Variants in ANKRD30A observed in about 807,000 individuals in gnomAD.
ANKRD30A encodes the protein ankyrin repeat domain-containing protein 30A.
Under a neutral mutation model 166.3 loss-of-function variants are expected in ANKRD30A, and 170 were observed. The observed-to-expected ratio is 1.02, with a 90% CI of 0.90 to 1.16. The LOEUF (loss-of-function observed/expected upper bound fraction) is 1.16, where lower values mean the gene tolerates loss of function less well. Ranked by LOEUF, ANKRD30A falls within the 50% of genes most tolerant of loss-of-function variation. The pLI is 0.00. For synonymous variants in ANKRD30A, 564 were observed against 508.9 expected (o/e 1.11, Z -1.46); for missense variants, 1,630 against 1,518.0 (o/e 1.07, Z -1.23).
In ANKRD30A at chr10:37,231,513, G is replaced by C; in HGVS notation, c.*44G>C. 1 of 1,543,506 alleles carries C rather than the reference G, an allele frequency of 6.5e-7. No individual in the cohort carries two copies. The highest frequency in any genetic ancestry group is 8.8e-7 in the Non-Finnish European group (1 of 1,136,420). On this transcript the variant is annotated 3_prime_UTR_variant, in exon 35 of 36. Transcript: ENST00000361713. ...CTTCTTTTGGAGAAACAACAGACCA[G>C]ATCTTTACTCACAACTCATGCTAGG...
At chr10:37,211,324 C>T (rs1588933656) in intron 31 of ANKRD30A, among the ~76,000 whole-genome samples, 1 of 151,994 alleles carries the variant, frequency 6.6e-6, no homozygotes, top group African/African-American at 2.4e-5. Context: ...TGATGTTCCC[C>T]TTCCTGTGTC....
chr10:37,200,848 T>TG (rs1482156732), intron 30 of ANKRD30A, among the ~76,000 whole-genome samples: 21 of 152,142 alleles, frequency 1.4e-4, no homozygotes, highest in Non-Finnish European at 1.2e-4. Context: ...ACATGTTTAA[T>TG]GCAGTATCTG....
chr10:37,232,089 A>C (rs1222830238), intron 35 of ANKRD30A, among the ~76,000 whole-genome samples: 2 of 152,032 alleles, frequency 1.3e-5, no homozygotes, highest in Non-Finnish European at 2.9e-5. Flanking sequence ...TGCACCCCTA[A>C]TCAGAAGTGA....
At chr10:37,138,161 G>A (rs1836848151) in intron 6 of ANKRD30A, among the ~76,000 whole-genome samples, 1 of 152,208 alleles carries the variant, frequency 6.6e-6, no homozygotes, top group South Asian at 2.1e-4. Context: ...ACGTGCAGCT[G>A]AGGATCCTGA....
At chr10:37,150,952 T>C (rs1315747480) in intron 11 of ANKRD30A, among the ~76,000 whole-genome samples, 1 of 151,350 alleles carries the variant, frequency 6.6e-6, no homozygotes, top group Non-Finnish European at 1.5e-5. Context: ...ACACGTTAGA[T>C]CTCTGAAACG....
At chr10:37,148,165 C>T (rs1326621878) in intron 9 of ANKRD30A, among the ~76,000 whole-genome samples, 1 of 151,978 alleles carries the variant, frequency 6.6e-6, no homozygotes, top group Non-Finnish European at 1.5e-5. Flanking sequence ...AGTTCTCAGG[C>T]GATGCTGATA....
the ANKRD30A span, chr10:37,262,664 A>T: frequency 2.0e-5 from 3 of 153,646 alleles, no homozygotes; most frequent in East Asian, 1.9e-4. Flanking sequence ...TTATGTAAAA[A>T]TTGTGGATTG....
At chr10:37,257,335 CA>C in the ANKRD30A span, among the ~76,000 whole-genome samples, 15,329 of 143,512 alleles carry the variant, frequency 0.11, 869 homozygotes, top group Middle Eastern at 0.15. Context: ...TTAATCTTTT[CA>C]AAAAAAAAAA....
chr10:37,147,529 C>CT, intron 9 of ANKRD30A, 72 bp downstream of exon 9: 1 of 957,826 alleles, frequency 1.0e-6, no homozygotes. Context: ...CTGATATACT[C>CT]TAATAGCCAA....
rs1323332649 is a variant in ANKRD30A at position 37,199,778 on chromosome 10, G to C, written c.2768G>C (p.Trp923Ser). 1 of 1,565,834 alleles carries C rather than the reference G, an allele frequency of 6.4e-7. No homozygotes were observed. The highest frequency in any genetic ancestry group is 8.7e-7 in the Non-Finnish European group (1 of 1,145,656). Residue 923 changes from tryptophan to serine, a missense_variant, in exon 30 of 36, where the codon TGG becomes TCG. Physicochemically the swap from Trp to Ser is radical, Grantham distance 177. Coordinates refer to ENST00000361713, the MANE Select transcript of ANKRD30A (RefSeq NM_052997.3). ...CAAAAGAAGGTTGAAGAAAATTCTT[G>C]GGATTCTGAGGTACTATGTGTTATT... is the stretch of plus-strand genomic sequence containing the variant. Reference protein sequence around the residue: ...SKQKKVEENSWDSESLRETVS... With the variant: ...SKQKKVEENSSDSESLRETVS...
intron 13 of ANKRD30A, 123 bp from the exon 14 acceptor site, chr10:37,158,269 C>T: frequency 1.4e-6 from 2 of 1,427,584 alleles, no homozygotes; most frequent in Non-Finnish European, 1.9e-6. Context: ...GACCCCAAAA[C>T]ATAGTGTAAT....
chr10:37,255,866 A>G, the ANKRD30A span, among the ~76,000 whole-genome samples: 42 of 152,330 alleles, frequency 2.8e-4, no homozygotes, highest in African/African-American at 1.0e-3. Context: ...AAGCTGGACT[A>G]TTCCTGTAAG....
chr10:37,202,556 A>G (rs1311417999), intron 31 of ANKRD30A, among the ~76,000 whole-genome samples: 1 of 152,066 alleles, frequency 6.6e-6, no homozygotes, highest in African/African-American at 2.4e-5. Flanking sequence ...AAATTGATAC[A>G]CTAACATCAC....
chr10:37,146,498 T>C (rs1588783121), intron 8 of ANKRD30A, among the ~76,000 whole-genome samples: 1 of 152,204 alleles, frequency 6.6e-6, no homozygotes, highest in East Asian at 1.9e-4. Flanking sequence ...GTCTGTCCCT[T>C]GCAGACCCCT....
chr10:37,254,683 C>CTTTTTTTTTTTT, the ANKRD30A span, among the ~76,000 whole-genome samples: 4 of 126,536 alleles, frequency 3.2e-5, no homozygotes, highest in Non-Finnish European at 6.8e-5. Context: ...CTTTTCTTTT[C>CTTTTTTTTTTTT]TTTTTTTTTT....
At chr10:37,243,664 G>C in the ANKRD30A span, among the ~76,000 whole-genome samples, 1 of 151,976 alleles carries the variant, frequency 6.6e-6, no homozygotes, top group South Asian at 2.1e-4. Flanking sequence ...TTTTACCATA[G>C]GCTAACTGAC....
At position 37,231,642 on chromosome 10, in the gene ANKRD30A, C is replaced by T. The variant is rs766528427; in HGVS notation, c.*173C>T. 3 of 419,296 alleles carry T rather than the reference C, an allele frequency of 7.2e-6. No individual in the cohort carries two copies. Among genetic ancestry groups the T allele is most frequent in the South Asian group, 1.7e-4 (2 of 11,764 alleles). 26.0% of individuals were successfully genotyped at this position (419,296 alleles called of 1,614,324 possible). A position where few individuals can be genotyped will look rare whatever the true frequency, so the allele number is the denominator to read the frequency against. On this transcript the variant is annotated 3_prime_UTR_variant, in exon 35 of 36. Transcript: ENST00000361713. ...ATTCATGATTTCTTCCTGAAGCCTA[C>T]AGACATAAAATAACAGTGTGAAGAA... is the stretch of plus-strand genomic sequence containing the variant.
At chr10:37,193,801 C>A (rs1840807439) in intron 27 of ANKRD30A, among the ~76,000 whole-genome samples, 1 of 152,108 alleles carries the variant, frequency 6.6e-6, no homozygotes, top group East Asian at 1.9e-4. Context: ...GACCCCAAAG[C>A]ATTTGGCCTT....
At chr10:37,136,735 A>C (rs906357411) in intron 6 of ANKRD30A, 64 bp downstream of exon 6, 2 of 966,258 alleles carry the variant, frequency 2.1e-6, no homozygotes, top group Non-Finnish European at 1.5e-6. Flanking sequence ...AGTGTTGATC[A>C]CAAAAAGGTA....
Sources: gnomAD v4.1 joint callset for allele counts (sites outside exome capture counted in the v4.1 genomes callset) on GRCh38, gnomAD v4.1.1 for gene constraint, MANE v1.5 for transcripts, NCBI Gene and HGNC (gene_info 2026-07-23, HGNC 2026-07-21) for gene names.